Variants in ADRA1A observed in about 807,000 individuals in gnomAD.
ADRA1A encodes the protein adrenoceptor alpha 1A, also known as alpha-1A adrenergic receptor.
A neutral mutation model predicts 29.6 loss-of-function variants in ADRA1A; 31 were observed. The ratio of observed to expected loss-of-function variants is 1.05; its 90% CI spans 0.79 to 1.41. The LOEUF (loss-of-function observed/expected upper bound fraction) is 1.41, where lower values mean the gene tolerates loss of function less well. Among genes scored for constraint, ADRA1A ranks in the 40% most tolerant of loss-of-function variants. The probability of loss-of-function intolerance (pLI) is 0.00; values close to 1 mark genes in which losing one functional copy is unlikely to be tolerated. For missense variants in ADRA1A, 619 were observed against 601.1 expected (o/e 1.03, Z -0.31); for synonymous variants, 311 against 254.3 (o/e 1.22, Z -2.12).
rs1813719563 is a variant in ADRA1A at position 26,864,394 on chromosome 8, G to A, written c.576C>T (p.Ser192=). The change falls in exon 2 of 3, where the codon TCC becomes TCT. Residue 192 remains serine (S), a synonymous_variant. Coordinates refer to ENST00000380573, the MANE Select transcript of ADRA1A (RefSeq NM_000680.4). This position sits in a 1 kb window ranked among gnomAD's most constrained non-coding sequence, Gnocchi z 8.1. ...GGATGATGGCCAGAGGCAGGTAGAA[G>A]GAGCCCAGCGCTGAGAAGAGCACGT... ...PGYVLFSALG[S]FYLPLAIILV... is the part of the protein sequence containing the mutation. 1 of 1,613,670 alleles carries A rather than the reference G, an allele frequency of 6.2e-7. No individual in the cohort carries two copies. The highest frequency in any genetic ancestry group is 8.5e-7 in the Non-Finnish European group (1 of 1,180,022).
At chr8:26,793,903 T>C (rs1808004713) in intron 2 of ADRA1A, among the ~76,000 whole-genome samples, 2 of 151,958 alleles carry the variant, frequency 1.3e-5, no homozygotes, top group African/African-American at 2.4e-5. Flanking sequence ...TAATTCACTT[T>C]CAAAGCTAGC....
In ADRA1A at chr8:26,866,803, G is replaced by A. The variant is rs1296121646; in HGVS notation, c.-687+133C>T. ...ATGTAAGGGAATCGGGGGTGGGGTA[G>A]AGGGGCCGGTATAAAACCTGGTGGA... On this transcript the variant is annotated intron_variant, in intron 1 of 2. Coordinates refer to ENST00000380573, the MANE Select transcript of ADRA1A (RefSeq NM_000680.4). The surrounding 1 kb of genome is among the most constrained non-coding windows in gnomAD (Gnocchi z 5.7). 64 of 870,686 alleles carry A rather than the reference G, an allele frequency of 7.4e-5. No homozygotes were observed. Among genetic ancestry groups the A allele is most frequent in the Non-Finnish European group, 8.4e-5 (61 of 724,736 alleles). The allele number at this position is 870,686 out of a possible 1,614,324, so 53.9% of individuals were successfully genotyped here. A position where few individuals can be genotyped will look rare whatever the true frequency, so the allele number is the denominator to read the frequency against.
intron 2 of ADRA1A, among the ~76,000 whole-genome samples, chr8:26,847,455 A>G (rs1185365648): frequency 6.6e-6 from 1 of 152,144 alleles, no homozygotes; most frequent in African/African-American, 2.4e-5. Context: ...GTAATTTCCA[A>G]ATGACAGCAA....
At chr8:26,850,315 G>A (rs151125528) in intron 2 of ADRA1A, among the ~76,000 whole-genome samples, 109 of 152,232 alleles carry the variant, frequency 7.2e-4, no homozygotes, top group African/African-American at 2.5e-3. Flanking sequence ...GGGACCTCAC[G>A]TCATTTATGA....
chr8:26,857,248 AGCTGGGTGCTGACGTAC>A (rs1400500833), intron 2 of ADRA1A, among the ~76,000 whole-genome samples: 1 of 152,190 alleles, frequency 6.6e-6, no homozygotes, highest in Non-Finnish European at 1.5e-5. Flanking sequence ...TTGCCAGGCA[AGCTGGGTGCTGACGTAC>A]TTTTGACCAT....
intron 2 of ADRA1A, among the ~76,000 whole-genome samples, chr8:26,845,225 C>A (rs913987588): frequency 2.0e-5 from 3 of 152,036 alleles, no homozygotes; most frequent in African/African-American, 4.8e-5. Flanking sequence ...TATTAATAAC[C>A]CCTGCAACTC....
intron 2 of ADRA1A, chr8:26,757,090 A>G: frequency 1.4e-6 from 1 of 702,702 alleles, no homozygotes; most frequent in South Asian, 1.5e-5. Context: ...CAATCCGTTC[A>G]TCCTTGCAGC....
intron 2 of ADRA1A, among the ~76,000 whole-genome samples, chr8:26,793,512 A>C (rs1199081511): frequency 6.6e-6 from 1 of 151,996 alleles, no homozygotes; most frequent in Non-Finnish European, 1.5e-5. Flanking sequence ...AAAAAGCAGA[A>C]AATCATTAGA....
At chr8:26,748,564 C>A (rs1028646970) in exon 3 of ADRA1A, 5 of 391,756 alleles carry the variant, frequency 1.3e-5, no homozygotes, top group African/African-American at 6.4e-5. Context: ...CATGGTGAAA[C>A]CCCGTCTCTA....
downstream of ADRA1A, chr8:26,756,289 C>T: frequency 2.1e-6 from 1 of 478,648 alleles, no homozygotes; most frequent in Non-Finnish European, 3.3e-6. Context: ...AAGGCTTGTA[C>T]AGTATACTTG....
At chr8:26,847,230 A>T (rs1812273880) in intron 2 of ADRA1A, among the ~76,000 whole-genome samples, 1 of 151,986 alleles carries the variant, frequency 6.6e-6, no homozygotes, top group East Asian at 1.9e-4. Flanking sequence ...AATAATAAAT[A>T]AAAAAAAGAA....
rs918787059 is a variant in ADRA1A, at chr8:26,769,227, A to C, written c.*922T>G. 5.1e-6 allele frequency: 5 copies of C among 985,264 alleles called. No homozygotes were observed. In the Admixed American group the frequency reaches 1.8e-4, roughly 36 times the overall value. The allele number at this position is 985,264 out of a possible 1,614,324, so 61.0% of individuals were successfully genotyped here. A position where few individuals can be genotyped will look rare whatever the true frequency, so the allele number is the denominator to read the frequency against. ...GTGATTTGTCAAGAAAGGCTTTTGT[A>C]AGCCATGTTGAAATGGCTGTGCAGT... On this transcript the variant is annotated 3_prime_UTR_variant, in exon 3 of 3. Transcript: ENST00000380573.
At chr8:26,762,226 C>T (rs934524266), downstream of ADRA1A, among the ~76,000 whole-genome samples, 2 of 152,192 alleles carry the variant, frequency 1.3e-5, no homozygotes, top group Non-Finnish European at 2.9e-5. The surrounding 1 kb of genome is among the most constrained non-coding windows in gnomAD (Gnocchi z 4.0). Flanking sequence ...CCCACTCTGA[C>T]CACCAGCTCT....
At chr8:26,783,404 A>G (rs1807139560) in intron 2 of ADRA1A, among the ~76,000 whole-genome samples, 1 of 152,148 alleles carries the variant, frequency 6.6e-6, no homozygotes, top group Non-Finnish European at 1.5e-5. Flanking sequence ...TCTTTTGTTC[A>G]CTAGGATGTA....
chr8:26,770,814 G>C, intron 2 of ADRA1A, 148 bp from the exon 3 acceptor site: 2 of 1,173,454 alleles, frequency 1.7e-6, no homozygotes, highest in South Asian at 1.7e-5. Flanking sequence ...TGACTGACTA[G>C]CTCCTATGAC....
rs1217532462 is a variant in ADRA1A at position 26,865,844 on chromosome 8, C to T, written c.-686-189G>A. On this transcript the variant is annotated intron_variant, in intron 1 of 2. Coordinates refer to ENST00000380573, the MANE Select transcript of ADRA1A (RefSeq NM_000680.4). The surrounding 1 kb of genome is among the most constrained non-coding windows in gnomAD (Gnocchi z 7.6). Reference sequence around the variant, plus strand: ...CGCGCCCCCACCACTGGGAACCTGCCTAGCGCACTCTACTGAGTCACCTCT... The same window carrying T: ...CGCGCCCCCACCACTGGGAACCTGCTTAGCGCACTCTACTGAGTCACCTCT... The T allele has an allele frequency of 2.1e-5, 6 of 290,066 alleles. No homozygotes were observed. Among genetic ancestry groups the T allele is most frequent in the Non-Finnish European group, 2.6e-5 (5 of 194,338 alleles). 18.0% of individuals were successfully genotyped at this position (290,066 alleles called of 1,614,324 possible).
At chr8:26,791,058 A>G (rs1807786317) in intron 2 of ADRA1A, among the ~76,000 whole-genome samples, 1 of 152,118 alleles carries the variant, frequency 6.6e-6, no homozygotes, top group African/African-American at 2.4e-5. Context: ...TAGAAATAAG[A>G]CCAGATTTTA....
chr8:26,842,189 G>A (rs1393511321), intron 2 of ADRA1A, among the ~76,000 whole-genome samples: 1 of 152,146 alleles, frequency 6.6e-6, no homozygotes, highest in African/African-American at 2.4e-5. Flanking sequence ...TTAGCCATAT[G>A]GAGCTATGGA....
intron 2 of ADRA1A, among the ~76,000 whole-genome samples, chr8:26,844,675 TACAAGCAA>T (rs1401437894): frequency 6.6e-6 from 1 of 152,184 alleles, no homozygotes; most frequent in Non-Finnish European, 1.5e-5. Context: ...ATTGGATTTC[TACAAGCAA>T]AAGAATGAAA....
Sources: allele counts gnomAD v4.1 joint callset (sites outside exome capture counted in the v4.1 genomes callset), GRCh38; gene constraint gnomAD v4.1.1; non-coding constraint Gnocchi (gnomAD v3.1); transcripts MANE v1.5; gene names NCBI Gene and HGNC (gene_info 2026-07-23, HGNC 2026-07-21).